VRK1: variants seen among roughly 807,000 people sequenced by gnomAD.
The protein encoded by VRK1 is VRK serine/threonine kinase 1.
A neutral mutation model predicts 57.1 loss-of-function variants in VRK1; 33 were observed. The observed-to-expected ratio is 0.58, with a 90% CI of 0.44 to 0.77. The LOEUF (loss-of-function observed/expected upper bound fraction) is 0.77. Among genes scored for constraint, VRK1 ranks in the 30% least tolerant of loss-of-function variants. The pLI is 0.00. For missense variants in VRK1, 413 were observed against 477.3 expected (o/e 0.87, Z 1.25); for synonymous variants, 137 against 147.8 (o/e 0.93, Z 0.53).
chr14:96,867,599 T>G (rs1888636769), intron 11 of VRK1, among the ~76,000 whole-genome samples: 1 of 152,136 alleles, frequency 6.6e-6, no homozygotes, highest in Admixed American at 6.6e-5. Flanking sequence ...ATTTATTTTC[T>G]GTGTATGTGA....
chr14:96,818,384 A>G (rs1400753939), intron 1 of VRK1, among the ~76,000 whole-genome samples: 5 of 148,820 alleles, frequency 3.4e-5, no homozygotes, highest in Admixed American at 3.3e-4. Context: ...ATTTCTGACT[A>G]GGAAGAAATT....
Position 96,853,101 on chromosome 14 carries a change from C to G in VRK1, c.511C>G (p.His171Asp), listed in dbSNP as rs757107919. 6.2e-7 allele frequency: 1 copy of G among 1,613,828 alleles called. No individual in the cohort carries two copies. Among genetic ancestry groups the G allele is most frequent in the Non-Finnish European group, 8.5e-7 (1 of 1,179,822 alleles). The change falls in exon 7 of 13, where the codon CAT becomes GAT. Residue 171 changes from histidine (H) to aspartate (D), a missense_variant. Transcript: ENST00000216639. ...ILDILEYIHE[H>D]EYVHGDIKAS... ...GGATATTCTGGAATATATTCACGAG[C>G]ATGAGTATGTGCATGGAGATATCAA...
chr14:96,863,793 T>C (rs1747311931), intron 11 of VRK1, among the ~76,000 whole-genome samples: 2 of 152,182 alleles, frequency 1.3e-5, no homozygotes, highest in African/African-American at 4.8e-5. Flanking sequence ...TAACCATTGT[T>C]AAATAAACCC....
chr14:96,799,533 T>A (rs886196643), intron 1 of VRK1, among the ~76,000 whole-genome samples: 4 of 152,182 alleles, frequency 2.6e-5, no homozygotes, highest in African/African-American at 7.2e-5. Flanking sequence ...ATTTGAAAAA[T>A]AAAACTTATT....
intron 11 of VRK1, among the ~76,000 whole-genome samples, chr14:96,868,226 A>G (rs916313170): frequency 6.6e-6 from 1 of 152,110 alleles, no homozygotes; most frequent in Non-Finnish European, 1.5e-5. Context: ...ACACACAAAT[A>G]CCTCAGATCA....
intron 11 of VRK1, among the ~76,000 whole-genome samples, 191 bp from the exon 12 acceptor site, chr14:96,875,839 C>T (rs886885600): frequency 6.6e-6 from 1 of 152,168 alleles, no homozygotes. Context: ...TTCTTGTACT[C>T]CCCCTTTCTT....
chr14:96,805,422 C>T (rs78919149), intron 1 of VRK1, among the ~76,000 whole-genome samples: 4,627 of 152,192 alleles, frequency 0.03, 106 homozygotes, highest in Non-Finnish European at 0.047. Flanking sequence ...GCCCTCGAGT[C>T]CTATTAAATT....
intron 1 of VRK1, among the ~76,000 whole-genome samples, chr14:96,819,384 AAAGT>A (rs1303872742): frequency 3.9e-5 from 6 of 152,218 alleles, no homozygotes; most frequent in Admixed American, 2.6e-4. Flanking sequence ...CTTAATGAAG[AAAGT>A]AAGATGTACC....
At chr14:96,832,604 G>C (rs142438233) in intron 1 of VRK1, among the ~76,000 whole-genome samples, 6 of 152,200 alleles carry the variant, frequency 3.9e-5, no homozygotes, top group African/African-American at 1.4e-4. Context: ...CAGGTCTTTT[G>C]ATTCCAGTCA....
At chr14:96,856,001 C>A in intron 8 of VRK1, 129 bp from the exon 9 acceptor site, 1 of 1,094,426 alleles carries the variant, frequency 9.1e-7, no homozygotes, top group South Asian at 1.5e-5. Context: ...AGGTGAAATG[C>A]AGTCAAAATT....
intron 3 of VRK1, among the ~76,000 whole-genome samples, chr14:96,843,293 C>T (rs1018830357): frequency 6.6e-6 from 1 of 152,198 alleles, no homozygotes; most frequent in African/African-American, 2.4e-5. Flanking sequence ...TTAGTCATGT[C>T]AGTAGCAGAA....
At chr14:96,799,821 A>G (rs746317830) in intron 1 of VRK1, among the ~76,000 whole-genome samples, 1 of 152,204 alleles carries the variant, frequency 6.6e-6, no homozygotes, top group Non-Finnish European at 1.5e-5. Flanking sequence ...GTAAGGAGAA[A>G]TGGACTCATT....
At chr14:96,855,155 CTG>C in intron 7 of VRK1, 67 bp from the exon 8 acceptor site, 1 of 1,611,272 alleles carries the variant, frequency 6.2e-7, no homozygotes, top group African/African-American at 1.3e-5. Context: ...TATTTTGTTT[CTG>C]TGCTTTAAAG....
intron 2 of VRK1, among the ~76,000 whole-genome samples, chr14:96,835,920 AT>A (rs1887193401): frequency 6.6e-6 from 1 of 152,136 alleles, no homozygotes; most frequent in Non-Finnish European, 1.5e-5. Context: ...ATGACCAAGT[AT>A]ACTGATCAGA....
At chr14:96,852,031 T>C (rs1225067514) in intron 5 of VRK1, among the ~76,000 whole-genome samples, 2 of 152,220 alleles carry the variant, frequency 1.3e-5, no homozygotes, top group Non-Finnish European at 2.9e-5. Context: ...CTATTGAAGA[T>C]AAAAGTGGTC....
At chr14:96,868,331 C>A (rs1047188228) in intron 11 of VRK1, among the ~76,000 whole-genome samples, 12 of 152,212 alleles carry the variant, frequency 7.9e-5, no homozygotes, top group African/African-American at 9.6e-5. Context: ...GTGCTGCACC[C>A]TAGACCAAGT....
intron 3 of VRK1, among the ~76,000 whole-genome samples, chr14:96,840,170 A>G (rs1357754244): frequency 6.6e-6 from 1 of 152,082 alleles, no homozygotes; most frequent in Non-Finnish European, 1.5e-5. Flanking sequence ...TGCAGGCTTA[A>G]GTCTCCTCCA....
At chr14:96,816,526 T>A (rs1886401193) in intron 1 of VRK1, among the ~76,000 whole-genome samples, 1 of 152,178 alleles carries the variant, frequency 6.6e-6, no homozygotes, top group Non-Finnish European at 1.5e-5. Flanking sequence ...ATTGTGTAAT[T>A]GATTTTAACA....
At chr14:96,843,873 G>A (rs572147796) in intron 3 of VRK1, among the ~76,000 whole-genome samples, 10 of 152,300 alleles carry the variant, frequency 6.6e-5, no homozygotes, top group Non-Finnish European at 1.5e-4. Context: ...TGAGCTCAGA[G>A]AGCCTTCCTT....
Sources: gnomAD v4.1 joint callset for allele counts (sites outside exome capture counted in the v4.1 genomes callset) on GRCh38, gnomAD v4.1.1 for gene constraint, MANE v1.5 for transcripts, NCBI Gene and HGNC (gene_info 2026-07-23, HGNC 2026-07-21) for gene names.